The following TBC1D15 variants were observed in gnomAD, a reference collection of about 807,000 sequenced individuals.
The protein encoded by TBC1D15 is GAP for RAB7.
Under a neutral mutation model 95.4 loss-of-function variants are expected in TBC1D15, and 39 were observed. That is an observed-to-expected ratio of 0.41 (90% CI 0.32 to 0.53). The LOEUF (loss-of-function observed/expected upper bound fraction) is 0.53, where lower values mean the gene tolerates loss of function less well. TBC1D15 is among the 20% of genes least tolerant of loss of function. The pLI, the probability that TBC1D15 is intolerant of heterozygous loss-of-function variation, is 0.29. For synonymous variants in TBC1D15, 258 were observed against 261.3 expected, an observed-to-expected ratio of 0.99 and a Z score of 0.12; for missense variants, 733 against 794.3, an observed-to-expected ratio of 0.92 and a Z score of 0.93.
chr12:71,872,970 A>T lies in TBC1D15; in HGVS notation c.171A>T (p.Ala57=). The T allele has an allele frequency of 1.9e-6, 3 of 1,610,146 alleles. No homozygotes were observed. The highest frequency in any genetic ancestry group is 8.5e-7 in the Non-Finnish European group (1 of 1,178,646). Residue 57 remains alanine (A), a synonymous_variant, in exon 3 of 17, where the codon GCA becomes GCT. Transcript: ENST00000485960. ...VIVDWRPLDD[A]LDSSSILYAR... ...TGGACTGGAGACCATTGGATGATGC[A>T]TTAGATTCCTCTAGTATTCTCTATG...
chr12:71,908,728 G>C (rs1325129398), intron 11 of TBC1D15, among the ~76,000 whole-genome samples: 1 of 152,170 alleles, frequency 6.6e-6, no homozygotes, highest in Non-Finnish European at 1.5e-5. Context: ...GTGCTTTTCA[G>C]GTTACAGAGT....
rs140151741 is a variant in TBC1D15 at position 71,920,912 on chromosome 12, G to T, written c.1716+65G>T. The stretch of plus-strand genomic sequence containing the variant: ...TTCTATTTGGTGGTCCTGATATACA[G>T]AACGTTTCCTTGGAACATTATTAAA... On this transcript the variant is annotated intron_variant, in intron 15 of 16. Transcript: ENST00000485960. 1.1e-4 allele frequency: 131 copies of T among 1,140,526 alleles called. No individual in the cohort carries two copies. The African/African-American group carries it at 1.8e-3, about 16-fold the overall frequency. 70.7% of individuals were successfully genotyped at this position (1,140,526 alleles called of 1,614,324 possible). A position where few individuals can be genotyped will look rare whatever the true frequency, so the allele number is the denominator to read the frequency against.
At chr12:71,905,287 T>A (rs1900414710) in intron 10 of TBC1D15, among the ~76,000 whole-genome samples, 1 of 152,164 alleles carries the variant, frequency 6.6e-6, no homozygotes. Flanking sequence ...AAAATTAACT[T>A]ATGAACTTTA....
chr12:71,843,427 G>A (rs1397562511), intron 1 of TBC1D15, among the ~76,000 whole-genome samples: 1 of 151,796 alleles, frequency 6.6e-6, no homozygotes, highest in African/African-American at 2.4e-5. Context: ...TAAAATTTTT[G>A]TGCTTTAGAA....
At chr12:71,867,522 A>G (rs182824937) in intron 1 of TBC1D15, among the ~76,000 whole-genome samples, 25 of 152,364 alleles carry the variant, frequency 1.6e-4, no homozygotes, top group Admixed American at 1.3e-3. Context: ...ACAAGGTGCT[A>G]CAGGTTGATT....
intron 1 of TBC1D15, among the ~76,000 whole-genome samples, chr12:71,852,218 T>G (rs1017622371): frequency 6.6e-6 from 1 of 152,186 alleles, no homozygotes; most frequent in African/African-American, 2.4e-5. Flanking sequence ...TGGGCCCTTT[T>G]GAGTCACAGC....
At chr12:71,919,201 CT>C (rs34109729) in intron 14 of TBC1D15, among the ~76,000 whole-genome samples, 97,610 of 131,442 alleles carry the variant, frequency 0.74, 36,157 homozygotes, top group Middle Eastern at 0.8. Flanking sequence ...AATCAGTGTG[CT>C]TTTTTTTTTT....
intron 1 of TBC1D15, chr12:71,861,599 T>C: frequency 9.6e-7 from 1 of 1,042,460 alleles, no homozygotes; most frequent in Non-Finnish European, 1.3e-6. Flanking sequence ...TTTTTCTTGG[T>C]TTGTATAAGT....
At chr12:71,855,131 A>G (rs1180878652) in intron 1 of TBC1D15, among the ~76,000 whole-genome samples, 1 of 152,098 alleles carries the variant, frequency 6.6e-6, no homozygotes, top group Non-Finnish European at 1.5e-5. Context: ...GCGGCAGGAG[A>G]GAGAGAGTGC....
intron 1 of TBC1D15, among the ~76,000 whole-genome samples, chr12:71,861,813 G>C (rs970159068): frequency 6.7e-6 from 1 of 149,362 alleles, no homozygotes; most frequent in African/African-American, 2.5e-5. Flanking sequence ...TTTTAATGTA[G>C]GTGTTTATTG....
At chr12:71,902,443 A>G (rs1449117926) in intron 10 of TBC1D15, among the ~76,000 whole-genome samples, 1 of 152,190 alleles carries the variant, frequency 6.6e-6, no homozygotes, top group African/African-American at 2.4e-5. Context: ...CAGCCATCTG[A>G]TCTTCGACAG....
At chr12:71,891,537 A>T (rs1249688361) in intron 5 of TBC1D15, among the ~76,000 whole-genome samples, 2 of 152,112 alleles carry the variant, frequency 1.3e-5, no homozygotes, top group Non-Finnish European at 2.9e-5. Context: ...AGTCTTCCTT[A>T]TGGTGAGCTC....
At chr12:71,881,050 T>G (rs1566000551) in intron 4 of TBC1D15, among the ~76,000 whole-genome samples, 1 of 152,296 alleles carries the variant, frequency 6.6e-6, no homozygotes. Context: ...GTGACTATTC[T>G]CCTTTCTACA....
chr12:71,907,138 G>T lies in TBC1D15; in HGVS notation c.1300G>T (p.Gly434Ter). The T allele has an allele frequency of 6.5e-7, 1 of 1,546,436 alleles. No homozygotes were observed. The highest frequency in any genetic ancestry group is 1.2e-5 in the South Asian group (1 of 85,072). The change falls in exon 11 of 17, where the codon GGA becomes TGA. Residue 434 changes from glycine to a stop codon, truncating the protein, a stop_gained and splice_region_variant. Coordinates refer to ENST00000485960, the MANE Select transcript of TBC1D15 (RefSeq NM_001146213.3). LOFTEE classifies it high-confidence loss of function. Reference sequence around the variant, plus strand: ...CTACTGTATGTATGATTTTGATTTAGGTAAGTTCTCTAAAGTTCTAATTTT... The same window carrying T: ...CTACTGTATGTATGATTTTGATTTATGTAAGTTCTCTAAAGTTCTAATTTT... ...MTYCMYDFDL[G>*]YVQGMSDLLS...
rs768157566 is a variant in TBC1D15 at position 71,921,375 on chromosome 12, A to G, written c.1724A>G (p.Asn575Ser). ...TTTGTTGATACTTTTTAGCATATCA[A>G]TGAATTGTCCATGAAAATTGATGTG... ...YGFNEILKHI[N>S]ELSMKIDVED... The change falls in exon 16 of 17, where the codon AAT becomes AGT. Residue 575 changes from asparagine (N) to serine (S), a missense_variant. Physicochemically the swap from Asn to Ser is conservative, Grantham distance 46 (BLOSUM62 1). Coordinates refer to ENST00000485960, the MANE Select transcript of TBC1D15 (RefSeq NM_001146213.3). 1.7e-5 allele frequency: 27 copies of G among 1,557,508 alleles called. No individual in the cohort carries two copies. The highest frequency in any genetic ancestry group is 3.7e-5 in the South Asian group (3 of 80,706).
chr12:71,897,966 A>G (rs1293985132), intron 10 of TBC1D15, 25 bp downstream of exon 10: 1 of 1,528,992 alleles, frequency 6.5e-7, no homozygotes, highest in Admixed American at 1.7e-5. Flanking sequence ...ACAACTTTGG[A>G]AATGCAAGGG....
At chr12:71,880,395 G>T in intron 3 of TBC1D15, 74 bp from the exon 4 acceptor site, 1 of 1,310,270 alleles carries the variant, frequency 7.6e-7, no homozygotes, top group Non-Finnish European at 1.0e-6. Context: ...TACAAACATT[G>T]AAGCTAAGAT....
At chr12:71,922,227 G>A (rs1268069737) in intron 16 of TBC1D15, among the ~76,000 whole-genome samples, 2 of 152,132 alleles carry the variant, frequency 1.3e-5, no homozygotes, top group Non-Finnish European at 2.9e-5. Context: ...TAGGATTACA[G>A]GTGCCTGCTA....
At chr12:71,901,734 A>G (rs1899436227) in intron 10 of TBC1D15, among the ~76,000 whole-genome samples, 1 of 152,122 alleles carries the variant, frequency 6.6e-6, no homozygotes, top group Non-Finnish European at 1.5e-5. Flanking sequence ...ACTTTTATTC[A>G]GCATGGTACT....
Sources: allele counts gnomAD v4.1 joint callset (sites outside exome capture counted in the v4.1 genomes callset), GRCh38; gene constraint gnomAD v4.1.1; transcripts MANE v1.5; gene names NCBI Gene and HGNC (gene_info 2026-07-23, HGNC 2026-07-21).